The following SCN7A variants were observed in gnomAD, a reference collection of about 807,000 sequenced individuals.
The protein encoded by SCN7A is sodium voltage-gated channel alpha subunit 7.
Under a neutral mutation model 155.2 loss-of-function variants are expected in SCN7A, and 138 were observed. The observed-to-expected ratio is 0.89, with a 90% CI of 0.77 to 1.02. SCN7A has a LOEUF of 1.02. SCN7A is among the 50% of genes least tolerant of loss of function. The pLI, the probability that SCN7A is intolerant of heterozygous loss-of-function variation, is 0.00. For synonymous variants in SCN7A, 693 were observed against 649.0 expected (o/e 1.07, Z -1.03); for missense variants, 2,058 against 1,986.6 (o/e 1.04, Z -0.68).
chr2:166,456,840 A>G (rs1424394494), intron 11 of SCN7A, 30 bp downstream of exon 11: 2 of 1,042,102 alleles, frequency 1.9e-6, no homozygotes, highest in Non-Finnish European at 2.8e-6. Flanking sequence ...AGATAGATAG[A>G]TAGATAGATA....
At chr2:166,469,415 A>G (rs1211266568) in intron 7 of SCN7A, among the ~76,000 whole-genome samples, 1 of 151,838 alleles carries the variant, frequency 6.6e-6, no homozygotes, top group Non-Finnish European at 1.5e-5. Flanking sequence ...AAGATAATTT[A>G]TTATGTATGC....
At chr2:166,412,431 C>T (rs1701221649) in intron 23 of SCN7A, 99 bp downstream of exon 23, 1 of 1,203,200 alleles carries the variant, frequency 8.3e-7, no homozygotes, top group Non-Finnish European at 1.1e-6. Flanking sequence ...TGACATTAAG[C>T]TGAATCCAAA....
At chr2:166,491,248 T>C (rs1458744280) in intron 1 of SCN7A, among the ~76,000 whole-genome samples, 1 of 152,138 alleles carries the variant, frequency 6.6e-6, no homozygotes, top group Non-Finnish European at 1.5e-5. Context: ...TTTCCATGAG[T>C]GGGGCCCCAG....
intron 16 of SCN7A, 141 bp downstream of exon 16, chr2:166,432,177 G>C: frequency 3.2e-6 from 2 of 627,368 alleles, no homozygotes. Context: ...CATAAAGTCA[G>C]AGGCTAAGAG....
At chr2:166,414,267 C>CATATATATATATATAT (rs1418815761) in intron 21 of SCN7A, among the ~76,000 whole-genome samples, 12 of 28,344 alleles carry the variant, frequency 4.2e-4, no homozygotes, top group Non-Finnish European at 5.9e-4. Context: ...TATATATACA[C>CATATATATATATATAT]ACACATATAT....
At chr2:166,430,054 G>C (rs1029340568) in intron 16 of SCN7A, among the ~76,000 whole-genome samples, 1 of 151,752 alleles carries the variant, frequency 6.6e-6, no homozygotes, top group Non-Finnish European at 1.5e-5. Flanking sequence ...AAGATCTAAG[G>C]TTAATAGCAT....
At chr2:166,425,242 T>C (rs5024296) in intron 18 of SCN7A, among the ~76,000 whole-genome samples, 106,652 of 151,918 alleles carry the variant, frequency 0.7, 37,630 homozygotes, top group African/African-American at 0.77. Flanking sequence ...ACCTCCTCTC[T>C]TGGCCACCTG....
intron 18 of SCN7A, among the ~76,000 whole-genome samples, chr2:166,426,158 G>C (rs1575015575): frequency 6.6e-6 from 1 of 152,048 alleles, no homozygotes; most frequent in East Asian, 1.9e-4. Flanking sequence ...TTTCACACTT[G>C]GGAATATTGA....
In SCN7A at chr2:166,444,950, T is replaced by C. The variant is rs1272592494; in HGVS notation, c.1438A>G (p.Lys480Glu). The C allele has an allele frequency of 6.2e-7, 1 of 1,613,398 alleles. No homozygotes were observed. Among genetic ancestry groups the C allele is most frequent in the South Asian group, 1.1e-5 (1 of 91,050 alleles). Reference protein sequence around the residue: ...ICPLYWYKFAKTFLIWNCSPC... With the variant: ...ICPLYWYKFAETFLIWNCSPC... ...GAACAATTCCAGATCAAGAAAGTTT[T>C]AGCAAACTTATACCAGTATAATGGG... The change falls in exon 13 of 26, where the codon AAA becomes GAA. Residue 480 changes from lysine to glutamate, a missense_variant. Physicochemically the swap from Lys to Glu is moderately conservative, Grantham distance 56. Coordinates refer to ENST00000643258, the MANE Select transcript of SCN7A (RefSeq NM_002976.4).
At chr2:166,439,757 T>C (rs1701916976) in intron 15 of SCN7A, among the ~76,000 whole-genome samples, 1 of 152,176 alleles carries the variant, frequency 6.6e-6, no homozygotes, top group African/African-American at 2.4e-5. Flanking sequence ...GGTTTTGTAA[T>C]AAAGAGGAGA....
At chr2:166,441,882 GAACA>G in intron 14 of SCN7A, 130 bp from the exon 15 acceptor site, 1 of 644,798 alleles carries the variant, frequency 1.6e-6, no homozygotes, top group Non-Finnish European at 2.7e-6. Flanking sequence ...ATTAACTACT[GAACA>G]TTCATTTTGT....
rs1262601466 is a variant in SCN7A, at chr2:166,474,193, G to A, written c.353+33C>T. The A allele has an allele frequency of 2.9e-6, 3 of 1,040,944 alleles. No homozygotes were observed. The South Asian group carries it at 5.4e-5, about 19-fold the overall frequency. The allele number at this position is 1,040,944 out of a possible 1,614,324, so 64.5% of individuals were successfully genotyped here. A position where few individuals can be genotyped will look rare whatever the true frequency, so the allele number is the denominator to read the frequency against. On this transcript the variant is annotated intron_variant, in intron 4 of 25. Coordinates refer to ENST00000643258, the MANE Select transcript of SCN7A (RefSeq NM_002976.4). ...TATAGTTGCAGTTAATGTCAGCACA[G>A]TTTAAAGTCAACAAGTCAACAGAAA... is the stretch of plus-strand genomic sequence containing the variant.
Position 166,432,384 on chromosome 2 carries a change from T to C in SCN7A, c.2526A>G (p.Glu842=), listed in dbSNP as rs1701750321. The C allele has an allele frequency of 1.2e-6, 2 of 1,613,336 alleles. No homozygotes were observed. Among genetic ancestry groups the C allele is most frequent in the Non-Finnish European group, 8.5e-7 (1 of 1,179,548 alleles). ...VSETVPIASG[E]SDIENLDNKE... is the part of the protein sequence containing the mutation. ...TATTATCCAGATTTTCTATATCAGA[T>C]TCTCCTGAAGCAATTGGTACAGTTT... Residue 842 remains glutamate (E), a synonymous_variant, in exon 16 of 26, where the codon GAA becomes GAG. Transcript: ENST00000643258.
intron 11 of SCN7A, among the ~76,000 whole-genome samples, chr2:166,455,486 C>T (rs1256822413): frequency 6.6e-6 from 1 of 152,012 alleles, no homozygotes; most frequent in Non-Finnish European, 1.5e-5. Context: ...TAAGTGGGGG[C>T]TCAGCACTGG....
chr2:166,445,344 AGG>A (rs1702040372), intron 12 of SCN7A, among the ~76,000 whole-genome samples: 8 of 139,072 alleles, frequency 5.8e-5, no homozygotes, highest in African/African-American at 2.1e-4. Flanking sequence ...GAAGGAAGGA[AGG>A]AAGGAAAGAA....
At chr2:166,489,735 C>A (rs539784437) in intron 1 of SCN7A, among the ~76,000 whole-genome samples, 1 of 152,254 alleles carries the variant, frequency 6.6e-6, no homozygotes, top group East Asian at 1.9e-4. Flanking sequence ...TGGATTCTGA[C>A]TGCAGCTATG....
In SCN7A at chr2:166,405,496, T is replaced by C; in HGVS notation, c.*84A>G. The C allele has an allele frequency of 8.0e-6, 8 of 997,508 alleles. No homozygotes were observed. The highest frequency in any genetic ancestry group is 1.0e-5 in the Non-Finnish European group (7 of 676,334). 61.8% of individuals were successfully genotyped at this position (997,508 alleles called of 1,614,324 possible). A position where few individuals can be genotyped will look rare whatever the true frequency, so the allele number is the denominator to read the frequency against. ...ATCGGTTGTAAAGAACTGATTATTA[T>C]CTCTACTTTTCTTTTATTCCTGGCT... On this transcript the variant is annotated 3_prime_UTR_variant, in exon 26 of 26. Coordinates refer to ENST00000643258, the MANE Select transcript of SCN7A (RefSeq NM_002976.4).
intron 25 of SCN7A, among the ~76,000 whole-genome samples, chr2:166,407,364 G>A (rs1188982227): frequency 3.3e-5 from 5 of 152,104 alleles, no homozygotes; most frequent in Middle Eastern, 3.4e-3. Context: ...AAAGGTATAA[G>A]AGATGTTCTC....
At chr2:166,463,874 G>A (rs1227083387) in intron 9 of SCN7A, among the ~76,000 whole-genome samples, 2 of 151,828 alleles carry the variant, frequency 1.3e-5, no homozygotes, top group Non-Finnish European at 2.9e-5. Flanking sequence ...TGGGCAACAC[G>A]GCGAAAACCC....
Sources: gnomAD v4.1 joint callset for allele counts (sites outside exome capture counted in the v4.1 genomes callset) on GRCh38, gnomAD v4.1.1 for gene constraint, MANE v1.5 for transcripts, NCBI Gene and HGNC (gene_info 2026-07-23, HGNC 2026-07-21) for gene names.